The following ZNF695 variants were observed in gnomAD, a reference collection of about 807,000 sequenced individuals.
The protein encoded by ZNF695 is zinc finger protein SBZF3.
A neutral mutation model predicts 11.2 loss-of-function variants in ZNF695; 11 were observed. The observed-to-expected ratio is 0.98, with a 90% confidence interval of 0.62 to 1.62. The LOEUF (loss-of-function observed/expected upper bound fraction) is 1.62. ZNF695 is among the 40% of genes most tolerant of loss of function. ZNF695 has a pLI of 0.00. For missense variants in ZNF695, 559 were observed against 590.5 expected (o/e 0.95, Z 0.55); for synonymous variants, 190 against 201.4 (o/e 0.94, Z 0.48).
intron 5 of ZNF695, among the ~76,000 whole-genome samples, chr1:246,961,761 C>A (rs1384402530): frequency 1.3e-5 from 2 of 152,198 alleles, no homozygotes; most frequent in African/African-American, 4.8e-5. Context: ...TGCCTCATTC[C>A]CATTCTGGAA....
At chr1:246,988,730 C>T (rs893568281) in intron 3 of ZNF695, among the ~76,000 whole-genome samples, 3 of 152,152 alleles carry the variant, frequency 2.0e-5, no homozygotes, top group Non-Finnish European at 4.4e-5. Flanking sequence ...ATTAATTAGG[C>T]AGATCACCTG....
chr1:246,963,715 G>C (rs116213490), intron 5 of ZNF695, among the ~76,000 whole-genome samples: 1 of 152,078 alleles, frequency 6.6e-6, no homozygotes. Flanking sequence ...CTTCCTCTCC[G>C]GTTGCTAAAA....
chr1:246,971,172 T>G (rs1668414743), intron 4 of ZNF695, among the ~76,000 whole-genome samples: 1 of 152,228 alleles, frequency 6.6e-6, no homozygotes, highest in Non-Finnish European at 1.5e-5. Context: ...ACGAGTCACC[T>G]GTCCACCGGA....
chr1:246,951,179 G>A (rs1667862166), intron 5 of ZNF695, among the ~76,000 whole-genome samples: 1 of 151,818 alleles, frequency 6.6e-6, no homozygotes, highest in Admixed American at 6.6e-5. Flanking sequence ...TAGCCCTTGG[G>A]CCTGGACTCT....
At chr1:246,996,891 G>A (rs965130988) in intron 3 of ZNF695, among the ~76,000 whole-genome samples, 4 of 152,106 alleles carry the variant, frequency 2.6e-5, no homozygotes, top group African/African-American at 4.8e-5. Flanking sequence ...TAAAGAAAAT[G>A]TACTGGCATG....
chr1:246,970,137 C>T lies in ZNF695; in HGVS notation c.391-2345G>A, dbSNP rs143008343. 6.3e-3 allele frequency among the ~76,000 whole-genome samples: 954 copies of T among 152,238 alleles called. 11 individuals carry two copies. The highest frequency in any genetic ancestry group is 0.021 in the African/African-American group (877 of 41,530). ...ACAGGTGTTTTTGAGTTTTAAATTA[C>T]GCATTAATTCAAAGTAAACTAGTGT... On this transcript the variant is annotated intron_variant, in intron 4 of 5. Coordinates refer to the ZNF695 transcript ENST00000487338.
intron 1 of ZNF695, among the ~76,000 whole-genome samples, chr1:247,003,920 A>C (rs1572537857): frequency 6.6e-6 from 1 of 152,246 alleles, no homozygotes; most frequent in African/African-American, 2.4e-5. Context: ...GACAGTAAAA[A>C]TTTTTTCTTA....
chr1:246,987,641 C>T lies in ZNF695; in HGVS notation c.874G>A (p.Gly292Arg). 6.2e-7 allele frequency: 1 copy of T among 1,603,602 alleles called. No homozygotes were observed. The highest frequency in any genetic ancestry group is 8.5e-7 in the Non-Finnish European group (1 of 1,176,132). Residue 292 changes from glycine (G) to arginine (R), a missense_variant, in exon 4 of 4, where the codon GGA (glycine) becomes AGA (arginine). Transcript: ENST00000339986. ...VLTKHKKIHT[G>R]EKPYKCEECG... ...TCTTCACATTTGTATGGTTTCTCTC[C>T]AGTATGAATTTTCTTATGTTTAGTA...
intron 3 of ZNF695, among the ~76,000 whole-genome samples, chr1:246,994,540 C>T (rs1007216850): frequency 2.0e-5 from 3 of 149,908 alleles, no homozygotes; most frequent in Non-Finnish European, 4.4e-5. Context: ...GACCCTATCT[C>T]GAAAAAACAA....
intron 3 of ZNF695, among the ~76,000 whole-genome samples, chr1:246,991,658 C>T (rs1302472055): frequency 6.6e-6 from 1 of 152,014 alleles, no homozygotes; most frequent in Non-Finnish European, 1.5e-5. Context: ...AAAAAGAAAC[C>T]CCGTACACTG....
chr1:246,945,817 AC>A lies in ZNF695; in HGVS notation c.498del (p.Ser167ArgfsTer?), dbSNP rs1418518116. On this transcript the variant is annotated frameshift_variant, in exon 6 of 6. Coordinates refer to the ZNF695 transcript ENST00000487338. LOFTEE classifies it high-confidence loss of function. ...GGTCTTCAAAGCAGCTCGATGGTCG[AC>A]GACTGGACCCTGAAAAAAAGAAAGA... 1 of 1,550,136 alleles carries A rather than the reference AC, an allele frequency of 6.5e-7. No individual in the cohort carries two copies. Among genetic ancestry groups the A allele is most frequent in the Non-Finnish European group, 8.7e-7 (1 of 1,146,880 alleles).
At chr1:246,984,570 G>A (rs1374120697), downstream of ZNF695, among the ~76,000 whole-genome samples, 5 of 152,094 alleles carry the variant, frequency 3.3e-5, no homozygotes, top group Non-Finnish European at 7.4e-5. Flanking sequence ...ACTGCGTTAT[G>A]TTTCTTCACT....
chr1:246,985,769 C>G lies in ZNF695; in HGVS notation c.*1198G>C, dbSNP rs997899514. The G allele has an allele frequency of 2.0e-6, 2 of 985,402 alleles. No individual in the cohort carries two copies. Among genetic ancestry groups the G allele is most frequent in the Non-Finnish European group, 2.4e-6 (2 of 829,926 alleles). 61.0% of individuals were successfully genotyped at this position (985,402 alleles called of 1,614,324 possible). A position where few individuals can be genotyped will look rare whatever the true frequency, so the allele number is the denominator to read the frequency against. On this transcript the variant is annotated 3_prime_UTR_variant, in exon 4 of 4. Coordinates refer to ENST00000339986, the MANE Select transcript of ZNF695 (RefSeq NM_020394.5). ...GCAGAATAGTACTCTGAAGACCTAT[C>G]TCATGAATCACTTACAACCCTATTA...
chr1:246,957,643 G>GT (rs963455935), intron 5 of ZNF695, among the ~76,000 whole-genome samples: 77 of 151,088 alleles, frequency 5.1e-4, no homozygotes, highest in African/African-American at 8.5e-4. Flanking sequence ...GGCAGATTGG[G>GT]TTTTTTTTTG....
At chr1:246,946,997 G>A (rs879544343) in intron 5 of ZNF695, among the ~76,000 whole-genome samples, 29 of 151,882 alleles carry the variant, frequency 1.9e-4, no homozygotes, top group Non-Finnish European at 3.5e-4. Context: ...AAAATTAGCC[G>A]GGCGTGGTGG....
intron 4 of ZNF695, chr1:246,969,584 G>A (rs1032782971): frequency 6.6e-6 from 1 of 152,146 alleles, no homozygotes; most frequent in African/African-American, 2.4e-5. Flanking sequence ...CACATTTTCA[G>A]GTATCTTTAT....
intron 3 of ZNF695, among the ~76,000 whole-genome samples, chr1:246,989,571 C>A (rs1462174364): frequency 6.6e-6 from 1 of 152,174 alleles, no homozygotes. Flanking sequence ...AAGAAGACCA[C>A]TAAACAACCA....
At chr1:246,956,229 C>T (rs1046568068) in intron 5 of ZNF695, among the ~76,000 whole-genome samples, 12 of 150,662 alleles carry the variant, frequency 8.0e-5, no homozygotes, top group Non-Finnish European at 1.5e-4. Context: ...ACCTCGTGAT[C>T]GACCAGCCTC....
At chr1:247,005,168 C>T (rs1431019193) in intron 1 of ZNF695, among the ~76,000 whole-genome samples, 2 of 152,128 alleles carry the variant, frequency 1.3e-5, no homozygotes, top group Non-Finnish European at 2.9e-5. Context: ...AAGAATTACT[C>T]TACTTGACTT....
Sources: allele counts gnomAD v4.1 joint callset (sites outside exome capture counted in the v4.1 genomes callset), GRCh38; gene constraint gnomAD v4.1.1; transcripts MANE v1.5; gene names NCBI Gene and HGNC (gene_info 2026-07-23, HGNC 2026-07-21).